Variants in CAMTA1 observed in about 807,000 individuals in gnomAD.
CAMTA1 encodes calmodulin-binding transcription activator 1.
A neutral mutation model predicts 170.9 loss-of-function variants in CAMTA1; 27 were observed. That is an observed-to-expected ratio of 0.16 (90% confidence interval 0.12 to 0.22). The LOEUF (loss-of-function observed/expected upper bound fraction) is 0.22, where lower values mean the gene tolerates loss of function less well. Ranked by LOEUF, CAMTA1 falls within the 10% of genes least tolerant of loss-of-function variation. The pLI, the probability that CAMTA1 is intolerant of heterozygous loss-of-function variation, is 1.00. For synonymous variants in CAMTA1, 833 were observed against 891.5 expected (o/e 0.93, Z 1.17); for missense variants, 1,619 against 2,217.2 (o/e 0.73, Z 5.42).
At chr1:6,992,969 T>G (rs1250802562) in intron 3 of CAMTA1, among the ~76,000 whole-genome samples, 2 of 152,250 alleles carry the variant, frequency 1.3e-5, no homozygotes, top group African/African-American at 4.8e-5. Context: ...TTCAGCACCA[T>G]TTGTTAAAAA....
chr1:7,256,786 C>T (rs1160581172), intron 5 of CAMTA1, among the ~76,000 whole-genome samples: 2 of 152,044 alleles, frequency 1.3e-5, no homozygotes, highest in Non-Finnish European at 2.9e-5. Flanking sequence ...GATTTGGTGT[C>T]TGGTGAGGGC....
chr1:7,070,867 A>G (rs1308546425), intron 3 of CAMTA1, among the ~76,000 whole-genome samples: 1 of 152,238 alleles, frequency 6.6e-6, no homozygotes, highest in African/African-American at 2.4e-5. Flanking sequence ...GCTTTGGTGC[A>G]GGGGACTGGA....
At chr1:7,380,747 T>A (rs1557621745) in intron 5 of CAMTA1, among the ~76,000 whole-genome samples, 1 of 152,180 alleles carries the variant, frequency 6.6e-6, no homozygotes, top group African/African-American at 2.4e-5. Context: ...CAAACAGTCC[T>A]CCCTTCTGAT....
intron 16 of CAMTA1, among the ~76,000 whole-genome samples, chr1:7,742,077 AAAAG>A (rs1194748948): frequency 6.6e-6 from 1 of 152,030 alleles, no homozygotes; most frequent in Admixed American, 6.6e-5. Flanking sequence ...AACGAGTATA[AAAAG>A]AAAGATAAAA....
At chr1:7,524,861 T>C (rs1258070629) in intron 6 of CAMTA1, among the ~76,000 whole-genome samples, 1 of 152,052 alleles carries the variant, frequency 6.6e-6, no homozygotes, top group East Asian at 1.9e-4. Flanking sequence ...ACCCCACCGA[T>C]CCCTCTCCCC....
chr1:6,830,515 G>A (rs778147881), intron 3 of CAMTA1, among the ~76,000 whole-genome samples: 2 of 151,706 alleles, frequency 1.3e-5, no homozygotes, highest in Non-Finnish European at 2.9e-5. Context: ...GGCTAATTTT[G>A]TATTCTTAGT....
chr1:7,520,242 CCTCCTCTT>C, intron 6 of CAMTA1, among the ~76,000 whole-genome samples: 1 of 46,224 alleles, frequency 2.2e-5, no homozygotes. Flanking sequence ...CCTCCTCTCC[CCTCCTCTT>C]CCCTCCTCCT....
chr1:7,277,771 A>C (rs1465383300), intron 5 of CAMTA1, among the ~76,000 whole-genome samples: 2 of 64,978 alleles, frequency 3.1e-5, no homozygotes, highest in Non-Finnish European at 7.2e-5. Context: ...ACACATACAC[A>C]CACTTTTTTT....
At chr1:7,341,278 T>G (rs1441796719) in intron 5 of CAMTA1, among the ~76,000 whole-genome samples, 2 of 151,970 alleles carry the variant, frequency 1.3e-5, no homozygotes, top group East Asian at 1.9e-4. Flanking sequence ...TGCTGAGGAG[T>G]GTCTGGTGGT....
At chr1:6,948,892 A>G (rs1185285350) in intron 3 of CAMTA1, among the ~76,000 whole-genome samples, 1 of 152,202 alleles carries the variant, frequency 6.6e-6, no homozygotes, top group African/African-American at 2.4e-5. Flanking sequence ...AGATGGATAA[A>G]AGAGCAATTC....
intron 4 of CAMTA1, among the ~76,000 whole-genome samples, chr1:7,245,029 A>G (rs1003140826): frequency 1.3e-5 from 2 of 151,930 alleles, no homozygotes; most frequent in African/African-American, 4.8e-5. Flanking sequence ...GTCTGTTAGA[A>G]TATTTTTAGA....
chr1:7,727,709 A>G (rs1192581960), intron 11 of CAMTA1, among the ~76,000 whole-genome samples: 2 of 152,264 alleles, frequency 1.3e-5, no homozygotes, highest in African/African-American at 4.8e-5. Flanking sequence ...ACAGCTCTCA[A>G]TTTGCCAAAT....
Position 7,665,232 on chromosome 1 carries a change from T to C in CAMTA1, c.2652+33T>C, listed in dbSNP as rs1471193694. The C allele has an allele frequency of 1.4e-6, 2 of 1,415,250 alleles. No individual in the cohort carries two copies. Among genetic ancestry groups the C allele is most frequent in the Non-Finnish European group, 1.8e-6 (2 of 1,087,736 alleles). 87.7% of individuals were successfully genotyped at this position (1,415,250 alleles called of 1,614,324 possible). On this transcript the variant is annotated intron_variant, in intron 9 of 22. Transcript: ENST00000303635. This position sits in a 1 kb window ranked among gnomAD's most constrained non-coding sequence, Gnocchi z 4.3. ...GCCGCCGCTGCCACCACCTGTCACC[T>C]CCCCTCCCACCCACCTCGCCAGCCC... is the stretch of plus-strand genomic sequence containing the variant.
chr1:7,086,956 G>A (rs577020691), intron 3 of CAMTA1, among the ~76,000 whole-genome samples: 1 of 152,322 alleles, frequency 6.6e-6, no homozygotes, highest in East Asian at 1.9e-4. Context: ...AATCTTTCAA[G>A]CCAGACTTGT....
intron 6 of CAMTA1, among the ~76,000 whole-genome samples, chr1:7,606,782 C>T (rs576980987): frequency 9.7e-4 from 147 of 152,286 alleles, no homozygotes; most frequent in South Asian, 2.1e-4. Context: ...GAGAGGACAG[C>T]GCCAGCCCAG....
intron 7 of CAMTA1, among the ~76,000 whole-genome samples, chr1:7,644,738 T>G (rs1451828801): frequency 1.3e-5 from 2 of 152,240 alleles, no homozygotes; most frequent in Non-Finnish European, 2.9e-5. Flanking sequence ...GGACAGAATT[T>G]TGTCATATGG....
intron 3 of CAMTA1, among the ~76,000 whole-genome samples, chr1:6,945,681 G>A (rs549315544): frequency 4.8e-4 from 73 of 151,972 alleles, no homozygotes; most frequent in Non-Finnish European, 9.3e-4. Flanking sequence ...CTGTCTCCCC[G>A]GGCCTAGGCA....
At chr1:7,028,220 C>T (rs2101048287) in intron 3 of CAMTA1, among the ~76,000 whole-genome samples, 1 of 152,278 alleles carries the variant, frequency 6.6e-6, no homozygotes, top group Admixed American at 6.5e-5. Flanking sequence ...TAGTATATTT[C>T]TCCCTGACAC....
chr1:7,520,922 A>T (rs2094357430), intron 6 of CAMTA1, among the ~76,000 whole-genome samples: 2 of 150,620 alleles, frequency 1.3e-5, no homozygotes. Flanking sequence ...ACACAAACAC[A>T]CACATGCACC....
Sources: gnomAD v4.1 joint callset for allele counts (sites outside exome capture counted in the v4.1 genomes callset) on GRCh38, gnomAD v4.1.1 for gene constraint, Gnocchi (gnomAD v3.1) non-coding constraint, MANE v1.5 for transcripts, NCBI Gene and HGNC (gene_info 2026-07-23, HGNC 2026-07-21) for gene names.